The following PHACTR2 variants were observed in gnomAD, a reference collection of about 807,000 sequenced individuals.
PHACTR2 encodes the protein chromosome 6 open reading frame 56.
A neutral mutation model predicts 76.0 loss-of-function variants in PHACTR2; 30 were observed. That is an observed-to-expected ratio of 0.39 (90% confidence interval 0.30 to 0.54). The LOEUF (loss-of-function observed/expected upper bound fraction) is 0.54, where lower values mean the gene tolerates loss of function less well. Among genes scored for constraint, PHACTR2 ranks in the 20% least tolerant of loss-of-function variants. PHACTR2 has a pLI of 0.61. For synonymous variants in PHACTR2, 292 were observed against 292.5 expected (o/e 1.00, Z 0.02); for missense variants, 696 against 781.1 (o/e 0.89, Z 1.30).
At position 143,578,183 on chromosome 6, in the gene PHACTR2, G is replaced by C. The variant is rs374103124; in HGVS notation, c.217+40976G>C. On this transcript the variant is annotated intron_variant, in intron 1 of 11. Transcript: ENST00000367584. The surrounding 1 kb of genome is among the most constrained non-coding windows in gnomAD (Gnocchi z 4.5). ...AGGAACCATTGCAGTCAAGTGCAGGGCTCCATGAGAGCTGGAGAGGGGTCC... is the reference window on the plus strand; with the variant it reads ...AGGAACCATTGCAGTCAAGTGCAGGCCTCCATGAGAGCTGGAGAGGGGTCC... Among the ~76,000 whole-genome samples, 1 of 152,284 alleles carries C rather than the reference G, an allele frequency of 6.6e-6. No homozygotes were observed. Among genetic ancestry groups the C allele is most frequent in the South Asian group, 2.1e-4 (1 of 4,828 alleles).
intron 1 of PHACTR2, among the ~76,000 whole-genome samples, chr6:143,564,043 A>G (rs1443850317): frequency 1.1e-5 from 1 of 91,940 alleles, no homozygotes; most frequent in Non-Finnish European, 2.7e-5. Context: ...ACTTCTGTCT[A>G]TGGAATTTTT....
chr6:143,693,294 G>C (rs908014511), intron 1 of PHACTR2, among the ~76,000 whole-genome samples: 5 of 152,082 alleles, frequency 3.3e-5, no homozygotes, highest in African/African-American at 1.2e-4. Flanking sequence ...CTGGAGTGCA[G>C]TGGTGTGATC....
In PHACTR2 at chr6:143,537,482, G is replaced by T. The variant is rs1366513674; in HGVS notation, c.217+275G>T. On this transcript the variant is annotated intron_variant, in intron 1 of 11. Transcript: ENST00000367584. The surrounding 1 kb of genome is among the most constrained non-coding windows in gnomAD (Gnocchi z 4.4). ...TGCAGCCTGGGTTGGGGTAGGGAGC[G>T]CTCCCTCTCGGCTGCACGGCGCCAG... is the stretch of plus-strand genomic sequence containing the variant. Among the ~76,000 whole-genome samples, 2 of 152,140 alleles carry T rather than the reference G, an allele frequency of 1.3e-5. No individual in the cohort carries two copies. Among genetic ancestry groups the T allele is most frequent in the African/African-American group, 2.4e-5 (1 of 41,462 alleles).
rs1775151322 is a variant in PHACTR2, at chr6:143,554,963, T to G, written c.217+17756T>G. ...TTTGTGGTATATACATTGGAAGTAT[T>G]TTTCTGCTATTTGGTTTTCTTTCAT... On this transcript the variant is annotated intron_variant, in intron 1 of 11. Coordinates refer to the PHACTR2 transcript ENST00000367584. This position sits in a 1 kb window ranked among gnomAD's most constrained non-coding sequence, Gnocchi z 5.9. 6.6e-6 allele frequency: 1 copy of G among 152,324 alleles called. No homozygotes were observed. Among genetic ancestry groups the G allele is most frequent in the South Asian group, 2.1e-4 (1 of 4,826 alleles). The allele number at this position is 152,324 out of a possible 1,614,324, so 9.4% of individuals were successfully genotyped here. A position where few individuals can be genotyped will look rare whatever the true frequency, so the allele number is the denominator to read the frequency against.
Position 143,824,835 on chromosome 6 carries a change from A to G in PHACTR2, c.*1146A>G, listed in dbSNP as rs774312921. On this transcript the variant is annotated 3_prime_UTR_variant, in exon 13 of 13. Transcript: ENST00000440869. This position sits in a 1 kb window ranked among gnomAD's most constrained non-coding sequence, Gnocchi z 6.3. ...CACCCAAAGGCTTAACAGAACATGGAAAGTTCCCACTAAGTTGTGTGTGAG... is the reference window on the plus strand; with the variant it reads ...CACCCAAAGGCTTAACAGAACATGGGAAGTTCCCACTAAGTTGTGTGTGAG... The G allele has an allele frequency of 2.6e-5, 4 of 152,504 alleles. No homozygotes were observed. Among genetic ancestry groups the G allele is most frequent in the African/African-American group, 9.7e-5 (4 of 41,434 alleles). The allele number at this position is 152,504 out of a possible 1,614,324, so 9.4% of individuals were successfully genotyped here.
At chr6:143,614,271 AAT>A (rs149447335) in intron 1 of PHACTR2, among the ~76,000 whole-genome samples, 1,754 of 152,284 alleles carry the variant, frequency 0.012, 17 homozygotes, top group Non-Finnish European at 0.018. Flanking sequence ...TGTGGGTGCT[AAT>A]ATTTGTTGTG....
chr6:143,707,238 TTTAAC>T (rs1778075628), intron 1 of PHACTR2, among the ~76,000 whole-genome samples: 1 of 152,218 alleles, frequency 6.6e-6, no homozygotes, highest in Non-Finnish European at 1.5e-5. Context: ...TCCTTAGTGT[TTTAAC>T]TTTCTTAAAG....
intron 5 of PHACTR2, among the ~76,000 whole-genome samples, chr6:143,762,275 T>C (rs772020883): frequency 1.3e-5 from 2 of 152,224 alleles, no homozygotes; most frequent in African/African-American, 2.4e-5. Context: ...TGAACTCAGC[T>C]TGGACTCTCT....
At chr6:143,626,505 C>T (rs1236399609) in intron 1 of PHACTR2, among the ~76,000 whole-genome samples, 1 of 145,098 alleles carries the variant, frequency 6.9e-6, no homozygotes, top group African/African-American at 2.6e-5. Context: ...CCACTGCAGT[C>T]CATCCTGGGC....
chr6:143,803,841 G>A lies in PHACTR2; in HGVS notation c.1846-3216G>A, dbSNP rs1014886235. ...CAAAGTCGATATACTAGAGCGTTGC[G>A]AAAATAAAAGCAAGATATTTCATGA... On this transcript the variant is annotated intron_variant, in intron 11 of 12. Coordinates refer to ENST00000440869, the MANE Select transcript of PHACTR2 (RefSeq NM_001100164.2). This position sits in a 1 kb window ranked among gnomAD's most constrained non-coding sequence, Gnocchi z 4.7. Among the ~76,000 whole-genome samples the A allele has an allele frequency of 1.3e-5, 2 of 152,094 alleles. No homozygotes were observed. Among genetic ancestry groups the A allele is most frequent in the African/African-American group, 2.4e-5 (1 of 41,410 alleles).
chr6:143,744,669 A>C (rs895100098), intron 2 of PHACTR2, among the ~76,000 whole-genome samples: 3 of 152,182 alleles, frequency 2.0e-5, no homozygotes, highest in Non-Finnish European at 2.9e-5. Flanking sequence ...TGAAGCCAAG[A>C]GCCAGAAAGA....
At chr6:143,682,990 A>G (rs1777432475) in intron 1 of PHACTR2, among the ~76,000 whole-genome samples, 1 of 152,082 alleles carries the variant, frequency 6.6e-6, no homozygotes, top group South Asian at 2.1e-4. Flanking sequence ...TGTTACGTTA[A>G]TTGATTTTTG....
chr6:143,585,241 G>C lies in PHACTR2; in HGVS notation c.217+48034G>C, dbSNP rs1775615209. ...TGAGGCAGCAAGAATATGGAGGAAG[G>C]GAATTTGAGGTAGAGAAGGTGTTGG... is the stretch of plus-strand genomic sequence containing the variant. On this transcript the variant is annotated intron_variant, in intron 1 of 11. Transcript: ENST00000367584. The surrounding 1 kb of genome is among the most constrained non-coding windows in gnomAD (Gnocchi z 5.2). Among the ~76,000 whole-genome samples the C allele has an allele frequency of 6.6e-6, 1 of 152,074 alleles. No individual in the cohort carries two copies. The highest frequency in any genetic ancestry group is 1.5e-5 in the Non-Finnish European group (1 of 68,018).
rs1054542760 is a variant in PHACTR2, at chr6:143,722,640, T to A, written c.214+10457T>A. Reference sequence around the variant, plus strand: ...TTAGAAATAGTCCAGTTCCACTCTTTTAGTTATTTTGAGATATACAATATT... The same window carrying A: ...TTAGAAATAGTCCAGTTCCACTCTTATAGTTATTTTGAGATATACAATATT... On this transcript the variant is annotated intron_variant, in intron 2 of 12. Transcript: ENST00000440869. This position sits in a 1 kb window ranked among gnomAD's most constrained non-coding sequence, Gnocchi z 4.1. 6.6e-6 allele frequency among the ~76,000 whole-genome samples: 1 copy of A among 152,198 alleles called. No homozygotes were observed. The highest frequency in any genetic ancestry group is 1.5e-5 in the Non-Finnish European group (1 of 68,016).
At position 143,695,920 on chromosome 6, in the gene PHACTR2, G is replaced by T. The variant is rs1254914787; in HGVS notation, c.47-16096G>T. ...TAAAAACCAAAAGGAACAACAATTT[G>T]TATCTGACTAAATAGCGCCTAATCA... On this transcript the variant is annotated intron_variant, in intron 1 of 12. Coordinates refer to ENST00000440869, the MANE Select transcript of PHACTR2 (RefSeq NM_001100164.2). This position sits in a 1 kb window ranked among gnomAD's most constrained non-coding sequence, Gnocchi z 4.4. Among the ~76,000 whole-genome samples, 1 of 152,220 alleles carries T rather than the reference G, an allele frequency of 6.6e-6. No individual in the cohort carries two copies. Among genetic ancestry groups the T allele is most frequent in the African/African-American group, 2.4e-5 (1 of 41,444 alleles).
chr6:143,694,771 C>T (rs984800804), intron 1 of PHACTR2, among the ~76,000 whole-genome samples: 12 of 152,202 alleles, frequency 7.9e-5, no homozygotes, highest in African/African-American at 2.7e-4. Flanking sequence ...GTTGGTAATT[C>T]GAAGATGATT....
Position 143,671,915 on chromosome 6 carries a change from A to G in PHACTR2, c.14-40101A>G, listed in dbSNP as rs1777159769. ...TAGAACAAAAAGGAACAAAATACAG[A>G]TACACAGAGCAACATGGATGAATAT... On this transcript the variant is annotated intron_variant, in intron 1 of 11. Transcript: ENST00000305766. The surrounding 1 kb of genome is among the most constrained non-coding windows in gnomAD (Gnocchi z 4.6). Among the ~76,000 whole-genome samples, 1 of 152,214 alleles carries G rather than the reference A, an allele frequency of 6.6e-6. No homozygotes were observed.
At chr6:143,603,014 G>A (rs1047026647) in intron 1 of PHACTR2, among the ~76,000 whole-genome samples, 1 of 151,902 alleles carries the variant, frequency 6.6e-6, no homozygotes, top group African/African-American at 2.4e-5. Context: ...ACATGGTGGT[G>A]CATGCCTGTA....
At chr6:143,551,415 C>T (rs991104174) in intron 1 of PHACTR2, among the ~76,000 whole-genome samples, 16 of 152,192 alleles carry the variant, frequency 1.1e-4, no homozygotes, top group African/African-American at 2.9e-4. Context: ...AAAGTAAAAC[C>T]TCAGATAAGT....
Sources: allele counts gnomAD v4.1 joint callset (sites outside exome capture counted in the v4.1 genomes callset), GRCh38; gene constraint gnomAD v4.1.1; non-coding constraint Gnocchi (gnomAD v3.1); transcripts MANE v1.5; gene names NCBI Gene and HGNC (gene_info 2026-07-23, HGNC 2026-07-21).